The following CNTN4 variants were observed in gnomAD, a reference collection of about 807,000 sequenced individuals.
CNTN4 encodes contactin-4.
In CNTN4, 77 loss-of-function variants were observed where a neutral mutation model predicts 122.5. That is an observed-to-expected ratio of 0.63 (90% CI 0.52 to 0.76). CNTN4 has a LOEUF of 0.76. Ranked by LOEUF, CNTN4 falls within the 30% of genes least tolerant of loss-of-function variation. CNTN4 has a pLI of 0.00. For missense variants in CNTN4, 1,256 were observed against 1,259.1 expected, an observed-to-expected ratio of 1.00 and a Z score of 0.04; for synonymous variants, 512 against 447.0, an observed-to-expected ratio of 1.15 and a Z score of -1.83.
chr3:3,004,249 C>T (rs181021530), intron 14 of CNTN4, among the ~76,000 whole-genome samples: 20 of 152,192 alleles, frequency 1.3e-4, no homozygotes, highest in African/African-American at 4.6e-4. Context: ...TAGAGCTTGA[C>T]ATATTCTTAG....
At chr3:2,811,736 C>T (rs1399992398) in intron 6 of CNTN4, among the ~76,000 whole-genome samples, 1 of 152,054 alleles carries the variant, frequency 6.6e-6, no homozygotes. Flanking sequence ...GCGATCTCGG[C>T]TCACTGCAAC....
chr3:3,031,541 C>G (rs1055966165), intron 16 of CNTN4, among the ~76,000 whole-genome samples: 107 of 152,040 alleles, frequency 7.0e-4, no homozygotes, highest in African/African-American at 2.5e-3. Context: ...TTGAGATTCT[C>G]TTGAATATTA....
chr3:2,125,030 C>G (rs948547131), intron 2 of CNTN4, among the ~76,000 whole-genome samples: 1 of 152,144 alleles, frequency 6.6e-6, no homozygotes, highest in Non-Finnish European at 1.5e-5. Flanking sequence ...ACTATAGGCA[C>G]TATGTCGTGT....
chr3:2,373,834 A>G (rs1271794005), intron 3 of CNTN4, among the ~76,000 whole-genome samples: 1 of 152,184 alleles, frequency 6.6e-6, no homozygotes. Context: ...AATTAAAGCA[A>G]TGTTTTTGAG....
chr3:2,490,244 C>T (rs1265593598), intron 3 of CNTN4, among the ~76,000 whole-genome samples: 4 of 152,176 alleles, frequency 2.6e-5, no homozygotes, highest in Non-Finnish European at 4.4e-5. Flanking sequence ...GGCTTTCTGC[C>T]GGTGTAGGCT....
At chr3:2,630,999 AGATCTC>A (rs1417048330) in intron 4 of CNTN4, among the ~76,000 whole-genome samples, 2 of 152,192 alleles carry the variant, frequency 1.3e-5, no homozygotes, top group East Asian at 3.9e-4. Context: ...CATTCCCATG[AGATCTC>A]AATCTATATT....
chr3:2,876,452 T>C (rs1446684755), intron 8 of CNTN4, among the ~76,000 whole-genome samples: 2 of 152,150 alleles, frequency 1.3e-5, no homozygotes, highest in African/African-American at 4.8e-5. Context: ...GAACTTTTCA[T>C]AAAACAATTT....
chr3:2,750,820 G>T (rs1197975895), intron 6 of CNTN4, among the ~76,000 whole-genome samples: 1 of 152,176 alleles, frequency 6.6e-6, no homozygotes, highest in Non-Finnish European at 1.5e-5. Flanking sequence ...AGACATTAAA[G>T]TCATCATGCC....
At chr3:2,442,422 CA>C (rs1478583485) in intron 3 of CNTN4, among the ~76,000 whole-genome samples, 1 of 152,026 alleles carries the variant, frequency 6.6e-6, no homozygotes, top group Non-Finnish European at 1.5e-5. Context: ...CAGATCTTGG[CA>C]AATGAGAAAA....
chr3:2,803,676 C>G (rs1483930219), intron 6 of CNTN4, among the ~76,000 whole-genome samples: 1 of 151,816 alleles, frequency 6.6e-6, no homozygotes, highest in Non-Finnish European at 1.5e-5. Flanking sequence ...TCTCCTGCCT[C>G]AGCCTCTAGA....
At chr3:2,525,229 G>A (rs1313703269) in intron 3 of CNTN4, among the ~76,000 whole-genome samples, 1 of 152,082 alleles carries the variant, frequency 6.6e-6, no homozygotes, top group Non-Finnish European at 1.5e-5. Context: ...TTGATGTTTT[G>A]CAAGTATTCT....
At chr3:3,043,267 G>C in intron 22 of CNTN4, 104 bp downstream of exon 22, 2 of 1,087,370 alleles carry the variant, frequency 1.8e-6, no homozygotes, top group Non-Finnish European at 2.8e-6. Context: ...CTAATTAGTA[G>C]CATGTGGATT....
intron 12 of CNTN4, among the ~76,000 whole-genome samples, chr3:2,906,832 G>A (rs1465529531): frequency 7.5e-6 from 1 of 132,502 alleles, no homozygotes; most frequent in Non-Finnish European, 1.6e-5. Context: ...CAACAAGAGT[G>A]AAACTCCTTC....
At chr3:2,289,261 C>G (rs532377467) in intron 2 of CNTN4, among the ~76,000 whole-genome samples, 3 of 152,260 alleles carry the variant, frequency 2.0e-5, no homozygotes, top group Non-Finnish European at 1.5e-5. Flanking sequence ...ACCAGGTCCC[C>G]TAAAACCCAG....
chr3:2,212,924 T>C (rs1364054214), intron 2 of CNTN4, among the ~76,000 whole-genome samples: 3 of 152,190 alleles, frequency 2.0e-5, no homozygotes, highest in East Asian at 3.8e-4. Context: ...CCACAGATCA[T>C]TGGAGATTTT....
chr3:2,710,486 C>T (rs116803574), intron 4 of CNTN4, among the ~76,000 whole-genome samples: 3 of 152,058 alleles, frequency 2.0e-5, no homozygotes, highest in African/African-American at 7.2e-5. Context: ...GTAGTTATAA[C>T]CTGGTCTTTT....
intron 3 of CNTN4, among the ~76,000 whole-genome samples, chr3:2,399,221 G>C (rs1456801928): frequency 6.6e-6 from 1 of 151,936 alleles, no homozygotes; most frequent in Non-Finnish European, 1.5e-5. Context: ...CCTTACTCTG[G>C]GTTAGTTTAG....
Position 2,258,836 on chromosome 3 carries a change from A to C in CNTN4, c.-144-80342A>C, listed in dbSNP as rs536628344. ...TGATTTCTTATTTCTCTCCCATTGAAATGTAAGATTTATGAGGGCAGAAAA... is the reference window on the plus strand; with the variant it reads ...TGATTTCTTATTTCTCTCCCATTGACATGTAAGATTTATGAGGGCAGAAAA... On this transcript the variant is annotated intron_variant, in intron 2 of 24. Transcript: ENST00000418658. Among the ~76,000 whole-genome samples the C allele has an allele frequency of 1.5e-3, 228 of 152,148 alleles. 1 individual carries two copies. The highest frequency in any genetic ancestry group is 5.4e-3 in the African/African-American group (225 of 41,536).
At chr3:2,788,225 G>A (rs2091902118) in intron 6 of CNTN4, among the ~76,000 whole-genome samples, 4 of 152,134 alleles carry the variant, frequency 2.6e-5, no homozygotes, top group Non-Finnish European at 5.9e-5. Flanking sequence ...TGGACATTTG[G>A]GAAGAGAGAA....
Sources: allele counts gnomAD v4.1 joint callset (sites outside exome capture counted in the v4.1 genomes callset), GRCh38; gene constraint gnomAD v4.1.1; transcripts MANE v1.5; gene names NCBI Gene and HGNC (gene_info 2026-07-23, HGNC 2026-07-21).